CACNB2: variants seen among roughly 807,000 people sequenced by gnomAD.
CACNB2 encodes the protein calcium voltage-gated channel auxiliary subunit beta 2.
A neutral mutation model predicts 73.3 loss-of-function variants in CACNB2; 42 were observed. The ratio of observed to expected loss-of-function variants is 0.57; its 90% CI spans 0.45 to 0.74. The LOEUF (loss-of-function observed/expected upper bound fraction) is 0.74. Ranked by LOEUF, CACNB2 falls within the 30% of genes least tolerant of loss-of-function variation. The pLI, the probability that CACNB2 is intolerant of heterozygous loss-of-function variation, is 0.00. For synonymous variants in CACNB2, 348 were observed against 310.3 expected, an observed-to-expected ratio of 1.12 and a Z score of -1.28; for missense variants, 940 against 853.0, an observed-to-expected ratio of 1.10 and a Z score of -1.27.
intron 4 of CACNB2, chr10:18,498,791 A>G: frequency 3.1e-6 from 1 of 326,166 alleles, no homozygotes; most frequent in South Asian, 2.8e-5. Flanking sequence ...CACCTTGACT[A>G]GGTGTAGTTT....
intron 3 of CACNB2, among the ~76,000 whole-genome samples, chr10:18,449,550 CTCTGCAAAAA>C (rs2046916221): frequency 1.3e-5 from 2 of 152,200 alleles, no homozygotes; most frequent in African/African-American, 4.8e-5. Context: ...TTACATCGTG[CTCTGCAAAAA>C]CTCCCTTTTT....
intron 3 of CACNB2, among the ~76,000 whole-genome samples, chr10:18,448,533 A>T (rs977659480): frequency 7.9e-5 from 12 of 151,938 alleles, no homozygotes; most frequent in African/African-American, 2.9e-4. Context: ...AAGAAAAAAA[A>T]GTTAGACTAC....
rs1194919555 is a variant in CACNB2, at chr10:18,152,733, CAAAAAACAAAA to C, written c.213+1759_213+1769del. Among the ~76,000 whole-genome samples the C allele has an allele frequency of 1.0e-4, 9 of 89,386 alleles. No individual in the cohort carries two copies. The East Asian group carries it at 2.2e-3, about 22-fold the overall frequency. 58.6% of individuals were successfully genotyped at this position (89,386 alleles called of 152,430 possible). Reference sequence around the variant, plus strand: ...CCAAAAAAAAAAAAAAAAAAAAAAACAAAAAACAAAACACTAGCTCCTTAGTGTGCATAGTA... The same window carrying C: ...CCAAAAAAAAAAAAAAAAAAAAAAACCACTAGCTCCTTAGTGTGCATAGTA... On this transcript the variant is annotated intron_variant, in intron 2 of 13. Transcript: ENST00000324631.
At position 18,439,436 on chromosome 10, in the gene CACNB2, C is replaced by T. The variant is rs190440067; in HGVS notation, c.333+37393C>T. Among the ~76,000 whole-genome samples the T allele has an allele frequency of 1.6e-3, 249 of 152,264 alleles. 2 individuals carry two copies. The highest frequency in any genetic ancestry group is 5.8e-3 in the African/African-American group (242 of 41,552). On this transcript the variant is annotated intron_variant, in intron 3 of 13. Transcript: ENST00000324631. Reference sequence around the variant, plus strand: ...GATGAGGGGAAGGCAGAGAATTTCTCCTGCATTTGTAGATTCTCAGCCACC... The same window carrying T: ...GATGAGGGGAAGGCAGAGAATTTCTTCTGCATTTGTAGATTCTCAGCCACC...
chr10:18,343,048 C>T (rs1457779766), intron 2 of CACNB2, among the ~76,000 whole-genome samples: 1 of 152,136 alleles, frequency 6.6e-6, no homozygotes, highest in Non-Finnish European at 1.5e-5. Flanking sequence ...TCTCATTGTG[C>T]ATTAAAATGA....
chr10:18,496,541 G>A (rs2049826861), intron 3 of CACNB2, among the ~76,000 whole-genome samples: 2 of 152,132 alleles, frequency 1.3e-5, no homozygotes, highest in Admixed American at 6.5e-5. Flanking sequence ...AGCCGGACGC[G>A]GTGGCTCATG....
intron 3 of CACNB2, among the ~76,000 whole-genome samples, chr10:18,486,466 T>A (rs555965063): frequency 6.6e-6 from 1 of 152,372 alleles, no homozygotes; most frequent in East Asian, 1.9e-4. Flanking sequence ...ATAAAAGTTC[T>A]TCCTTTTCTA....
At chr10:18,383,492 G>T (rs924878878) in intron 2 of CACNB2, among the ~76,000 whole-genome samples, 6 of 152,282 alleles carry the variant, frequency 3.9e-5, no homozygotes, top group Middle Eastern at 6.8e-3. Context: ...GTTCATAGAG[G>T]TGTATAACAG....
At chr10:18,321,539 T>G (rs11013596) in intron 2 of CACNB2, among the ~76,000 whole-genome samples, 38,703 of 152,066 alleles carry the variant, frequency 0.25, 5,267 homozygotes, top group Middle Eastern at 0.34. Context: ...AGAGTATAAA[T>G]GGACTGTTTG....
At chr10:18,289,303 T>G (rs2038955840) in intron 2 of CACNB2, among the ~76,000 whole-genome samples, 1 of 134,542 alleles carries the variant, frequency 7.4e-6, no homozygotes, top group African/African-American at 2.9e-5. Flanking sequence ...TTTTGTTTTT[T>G]TTTTTTTTTG....
chr10:18,281,554 C>T (rs1415188735), intron 2 of CACNB2, among the ~76,000 whole-genome samples: 1 of 152,152 alleles, frequency 6.6e-6, no homozygotes, highest in Non-Finnish European at 1.5e-5. Flanking sequence ...TTGGGAGCTT[C>T]CCTTCCGTTC....
intron 2 of CACNB2, among the ~76,000 whole-genome samples, chr10:18,360,879 A>G (rs937169923): frequency 6.6e-6 from 1 of 152,190 alleles, no homozygotes; most frequent in Non-Finnish European, 1.5e-5. Flanking sequence ...AAAACCAGTG[A>G]TATTCCCTAC....
At chr10:18,386,405 T>TTA (rs1276226198) in intron 2 of CACNB2, among the ~76,000 whole-genome samples, 3 of 141,188 alleles carry the variant, frequency 2.1e-5, no homozygotes, top group Non-Finnish European at 4.6e-5. Context: ...TATGATTTTT[T>TTA]TTTTTTTTTT....
intron 3 of CACNB2, among the ~76,000 whole-genome samples, chr10:18,428,387 C>A (rs1229651803): frequency 6.6e-6 from 1 of 152,084 alleles, no homozygotes; most frequent in African/African-American, 2.4e-5. Flanking sequence ...CTATTTCTTT[C>A]TTTAAGAATT....
chr10:18,407,707 T>C (rs1030540380), intron 3 of CACNB2, among the ~76,000 whole-genome samples: 2 of 152,158 alleles, frequency 1.3e-5, no homozygotes, highest in East Asian at 3.9e-4. Context: ...TTTTTCTCAC[T>C]TTTTCTCCAT....
chr10:18,460,904 A>G (rs2047538917), intron 3 of CACNB2, among the ~76,000 whole-genome samples: 1 of 136,418 alleles, frequency 7.3e-6, no homozygotes, highest in African/African-American at 2.7e-5. Context: ...AAAAAAAAAA[A>G]TCCACTTTTT....
chr10:18,533,830 C>T (rs564571789), intron 10 of CACNB2, among the ~76,000 whole-genome samples: 1 of 152,278 alleles, frequency 6.6e-6, no homozygotes, highest in Admixed American at 6.5e-5. Context: ...TTTCCACAAT[C>T]CAAGTATTAT....
chr10:18,454,332 G>A (rs141339556), intron 3 of CACNB2, among the ~76,000 whole-genome samples: 3 of 152,264 alleles, frequency 2.0e-5, no homozygotes, highest in South Asian at 2.1e-4. Flanking sequence ...TAAAACCAGC[G>A]TTTTTCAACC....
chr10:18,230,138 G>A (rs1197190007), intron 2 of CACNB2, among the ~76,000 whole-genome samples: 1 of 152,168 alleles, frequency 6.6e-6, no homozygotes, highest in Non-Finnish European at 1.5e-5. Flanking sequence ...TACATAGTTG[G>A]TTCAAAAGGG....
Sources: gnomAD v4.1 joint callset for allele counts (sites outside exome capture counted in the v4.1 genomes callset) on GRCh38, gnomAD v4.1.1 for gene constraint, MANE v1.5 for transcripts, NCBI Gene and HGNC (gene_info 2026-07-23, HGNC 2026-07-21) for gene names.